CSMD1: variants seen among roughly 807,000 people sequenced by gnomAD.
CSMD1 encodes the protein CUB and sushi domain-containing protein 1.
Under a neutral mutation model 417.5 loss-of-function variants are expected in CSMD1, and 213 were observed. The ratio of observed to expected loss-of-function variants is 0.51; its 90% CI spans 0.46 to 0.57. CSMD1 has a LOEUF of 0.57. Among genes scored for constraint, CSMD1 ranks in the 20% least tolerant of loss-of-function variants. The pLI is 0.00. For synonymous variants in CSMD1, 2,862 were observed against 1,736.8 expected, an observed-to-expected ratio of 1.65 and a Z score of -16.11; for missense variants, 6,923 against 4,529.7, an observed-to-expected ratio of 1.53 and a Z score of -15.17.
At chr8:4,200,212 A>G (rs956863283) in intron 3 of CSMD1, among the ~76,000 whole-genome samples, 1 of 152,188 alleles carries the variant, frequency 6.6e-6, no homozygotes, top group Non-Finnish European at 1.5e-5. Context: ...TTATGTTATG[A>G]AATTCTGGCC....
At chr8:4,150,400 TG>T (rs1290925398) in intron 3 of CSMD1, among the ~76,000 whole-genome samples, 24 of 152,206 alleles carry the variant, frequency 1.6e-4, no homozygotes, top group African/African-American at 5.8e-4. Flanking sequence ...GGAAGTAATG[TG>T]GACTCTCTTA....
chr8:3,906,479 C>G (rs562877967), intron 5 of CSMD1, among the ~76,000 whole-genome samples: 27 of 152,076 alleles, frequency 1.8e-4, no homozygotes, highest in African/African-American at 6.0e-4. Flanking sequence ...ACATAATGGA[C>G]AAAGTGTATC....
chr8:4,053,022 G>A (rs1016258087), intron 3 of CSMD1, among the ~76,000 whole-genome samples: 4 of 152,110 alleles, frequency 2.6e-5, no homozygotes, highest in East Asian at 1.9e-4. Context: ...TTTAGCAAAG[G>A]GTAACAATTG....
At chr8:4,451,568 G>T (rs1330537205) in intron 2 of CSMD1, among the ~76,000 whole-genome samples, 1 of 152,120 alleles carries the variant, frequency 6.6e-6, no homozygotes, top group Non-Finnish European at 1.5e-5. Context: ...GCGATAGAGT[G>T]AAGACAAAGA....
chr8:4,327,281 G>A (rs4335143), intron 3 of CSMD1, among the ~76,000 whole-genome samples: 3 of 152,060 alleles, frequency 2.0e-5, no homozygotes, highest in African/African-American at 4.8e-5. Flanking sequence ...TGCTCTTTAA[G>A]TATCTCTTTT....
rs563335079 is a variant in CSMD1, at chr8:4,505,525, C to T, written c.303-85460G>A. On this transcript the variant is annotated intron_variant, in intron 2 of 69. Coordinates refer to ENST00000635120, the MANE Select transcript of CSMD1 (RefSeq NM_033225.6). ...TCATTTAATTTAATTTTTCTGATTC[C>T]TCAGAATCTTGATATTCATATACTA... is the stretch of plus-strand genomic sequence containing the variant. 3.9e-4 allele frequency among the ~76,000 whole-genome samples: 59 copies of T among 152,062 alleles called. 2 individuals carry two copies. The South Asian group carries it at 9.8e-3, about 25-fold the overall frequency.
intron 12 of CSMD1, among the ~76,000 whole-genome samples, chr8:3,466,379 T>C (rs1440333305): frequency 6.6e-6 from 1 of 151,970 alleles, no homozygotes; most frequent in Non-Finnish European, 1.5e-5. Flanking sequence ...TTTAACTCTA[T>C]GTGAATATAT....
At chr8:3,354,889 G>GTCTATCTATAGATCTATCTATAGATATT (rs1808659957) in intron 21 of CSMD1, among the ~76,000 whole-genome samples, 4 of 140,974 alleles carry the variant, frequency 2.8e-5, no homozygotes, top group African/African-American at 8.4e-5. Context: ...CTATAGATAT[G>GTCTATCTATAGATCTATCTATAGATATT]TCTATCTATA....
chr8:3,903,147 G>A (rs1352525234), intron 5 of CSMD1, among the ~76,000 whole-genome samples: 2 of 152,074 alleles, frequency 1.3e-5, no homozygotes, highest in Non-Finnish European at 2.9e-5. Context: ...AAACCTGTAT[G>A]AGCTCTGCAT....
chr8:3,784,140 TTC>T (rs905770051), intron 5 of CSMD1, among the ~76,000 whole-genome samples: 163 of 105,484 alleles, frequency 1.5e-3, no homozygotes, highest in African/African-American at 5.8e-3. Flanking sequence ...TCCTCTCTCT[TTC>T]TCTCTCTCAT....
intron 1 of CSMD1, among the ~76,000 whole-genome samples, chr8:4,817,247 T>C (rs1246167305): frequency 6.6e-6 from 1 of 152,168 alleles, no homozygotes; most frequent in Admixed American, 6.5e-5. Context: ...AGTGAAAAAA[T>C]ATGAAGATTT....
At chr8:3,490,298 G>C (rs774977511) in intron 11 of CSMD1, among the ~76,000 whole-genome samples, 1 of 152,090 alleles carries the variant, frequency 6.6e-6, no homozygotes, top group Non-Finnish European at 1.5e-5. Flanking sequence ...TTGAGAGAAG[G>C]CGCTAATAAC....
intron 3 of CSMD1, among the ~76,000 whole-genome samples, chr8:4,347,394 A>G (rs1236968570): frequency 6.6e-6 from 1 of 152,200 alleles, no homozygotes; most frequent in Non-Finnish European, 1.5e-5. Context: ...CATCTAAGAC[A>G]TTATCATTTA....
intron 1 of CSMD1, among the ~76,000 whole-genome samples, chr8:4,784,335 T>C (rs763276072): frequency 6.6e-6 from 1 of 152,222 alleles, no homozygotes; most frequent in Non-Finnish European, 1.5e-5. Context: ...TAGCATTCTG[T>C]CTAGGAAAAT....
intron 3 of CSMD1, among the ~76,000 whole-genome samples, chr8:4,088,071 C>T (rs963749400): frequency 6.6e-6 from 1 of 152,158 alleles, no homozygotes; most frequent in East Asian, 1.9e-4. Context: ...ATCACAGTAA[C>T]AATGACTAGA....
Position 3,548,659 on chromosome 8 carries a change from T to TACACACACACACAC in CSMD1, c.1344+26272_1344+26285dup, listed in dbSNP as rs146360407. On this transcript the variant is annotated intron_variant, in intron 10 of 69. Coordinates refer to ENST00000635120, the MANE Select transcript of CSMD1 (RefSeq NM_033225.6). ...TTCACGGCTGAGTGGTATTCCATCATACACACACACACACACACACACACA... is the reference window on the plus strand; with the variant it reads ...TTCACGGCTGAGTGGTATTCCATCATACACACACACACACACACACACACACACACACACACACA... 6.9e-4 allele frequency among the ~76,000 whole-genome samples: 92 copies of TACACACACACACAC among 133,112 alleles called. 2 individuals are homozygous for TACACACACACACAC. The highest frequency in any genetic ancestry group is 2.3e-3 in the African/African-American group (80 of 34,286). 87.3% of individuals were successfully genotyped at this position (133,112 alleles called of 152,430 possible). A position where few individuals can be genotyped will look rare whatever the true frequency, so the allele number is the denominator to read the frequency against.
chr8:3,952,810 T>A (rs2129893933), intron 5 of CSMD1, among the ~76,000 whole-genome samples: 1 of 152,304 alleles, frequency 6.6e-6, no homozygotes, highest in Admixed American at 6.5e-5. Flanking sequence ...AATACTCTCA[T>A]TAATCAAAGA....
intron 1 of CSMD1, among the ~76,000 whole-genome samples, chr8:4,740,442 T>C (rs1039474608): frequency 6.6e-6 from 1 of 152,196 alleles, no homozygotes; most frequent in Non-Finnish European, 1.5e-5. Context: ...CAACACTGAA[T>C]GCAATCCTAG....
chr8:3,927,754 C>T (rs996762685), intron 5 of CSMD1, among the ~76,000 whole-genome samples: 1 of 151,962 alleles, frequency 6.6e-6, no homozygotes, highest in African/African-American at 2.4e-5. Context: ...AATTTGATTG[C>T]GTATAAGCAG....
Sources: allele counts gnomAD v4.1 joint callset (sites outside exome capture counted in the v4.1 genomes callset), GRCh38; gene constraint gnomAD v4.1.1; transcripts MANE v1.5; gene names NCBI Gene and HGNC (gene_info 2026-07-23, HGNC 2026-07-21).